Variants in SRC observed in about 807,000 individuals in gnomAD.
SRC encodes proto-oncogene tyrosine-protein kinase Src.
Under a neutral mutation model 62.9 loss-of-function variants are expected in SRC, and 13 were observed. The ratio of observed to expected loss-of-function variants is 0.21; its 90% CI spans 0.13 to 0.33. The LOEUF is 0.33. Among genes scored for constraint, SRC ranks in the 10% least tolerant of loss-of-function variants. SRC has a pLI of 1.00. For synonymous variants in SRC, 302 were observed against 317.5 expected, an observed-to-expected ratio of 0.95 and a Z score of 0.52; for missense variants, 457 against 737.3, an observed-to-expected ratio of 0.62 and a Z score of 4.40.
Position 37,404,286 on chromosome 20 carries a change from T to C in SRC, c.*907T>C, listed in dbSNP as rs2070790001. On this transcript the variant is annotated 3_prime_UTR_variant, in exon 14 of 14. Transcript: ENST00000373578. ...CTGTTGGGAACAGCATGGAGGCAGA[T>C]GTGGGGCTGAGCTGGGGAATCAGGG... is the stretch of plus-strand genomic sequence containing the variant. The C allele has an allele frequency of 4.3e-6, 1 of 233,182 alleles. No individual in the cohort carries two copies. Among genetic ancestry groups the C allele is most frequent in the South Asian group, 1.8e-4 (1 of 5,510 alleles). 14.4% of individuals were successfully genotyped at this position (233,182 alleles called of 1,614,324 possible). A position where few individuals can be genotyped will look rare whatever the true frequency, so the allele number is the denominator to read the frequency against.
chr20:37,356,429 GC>G (rs1377808019), intron 1 of SRC, among the ~76,000 whole-genome samples: 2 of 152,148 alleles, frequency 1.3e-5, no homozygotes, highest in Non-Finnish European at 2.9e-5. Context: ...CAGTGAGGTG[GC>G]CCTGGTGGCC....
intron 9 of SRC, 50 bp from the exon 10 acceptor site, chr20:37,400,065 G>A: frequency 7.2e-6 from 11 of 1,517,268 alleles, no homozygotes; most frequent in South Asian, 1.3e-5. Flanking sequence ...ATCCCTGTGT[G>A]GTAGGAGTTG....
At position 37,384,543 on chromosome 20, in the gene SRC, CG is replaced by C. The variant is rs1242378998; in HGVS notation, c.250+146del. ...AGCGCCCCTGGGTGACTTGGGTGTCCGGGGGGTGGGGGGGCGGCCGTACACA... is the reference window on the plus strand; with the variant it reads ...AGCGCCCCTGGGTGACTTGGGTGTCCGGGGGTGGGGGGGCGGCCGTACACA... On this transcript the variant is annotated intron_variant, in intron 4 of 13. Transcript: ENST00000373578. The surrounding 1 kb of genome is among the most constrained non-coding windows in gnomAD (Gnocchi z 6.7). 50 of 164,194 alleles carry C rather than the reference CG, an allele frequency of 3.0e-4. No individual in the cohort carries two copies. Among genetic ancestry groups the C allele is most frequent in the Non-Finnish European group, 3.6e-4 (38 of 106,318 alleles). The allele number at this position is 164,194 out of a possible 1,614,324, so 10.2% of individuals were successfully genotyped here.
rs1246570154 is a variant in SRC, at chr20:37,402,066, T to C, written c.1117-369T>C. The C allele has an allele frequency of 2.9e-5, 9 of 308,660 alleles. No individual in the cohort carries two copies. The highest frequency in any genetic ancestry group is 5.3e-5 in the Non-Finnish European group (9 of 168,532). The allele number at this position is 308,660 out of a possible 1,614,324, so 19.1% of individuals were successfully genotyped here. ...GACGAGGATTGGCTGTTATTCCCAT[T>C]GGACGGATGAGAAAACTGAGGCTCA... On this transcript the variant is annotated intron_variant, in intron 11 of 13. Transcript: ENST00000373578. This position sits in a 1 kb window ranked among gnomAD's most constrained non-coding sequence, Gnocchi z 6.2.
chr20:37,396,720 T>C lies in SRC; in HGVS notation c.703+409T>C, dbSNP rs575073571. 3 of 193,490 alleles carry C rather than the reference T, an allele frequency of 1.6e-5. No homozygotes were observed. The highest frequency in any genetic ancestry group is 1.1e-4 in the South Asian group (1 of 9,032). 12.0% of individuals were successfully genotyped at this position (193,490 alleles called of 1,614,324 possible). A position where few individuals can be genotyped will look rare whatever the true frequency, so the allele number is the denominator to read the frequency against. On this transcript the variant is annotated intron_variant, in intron 8 of 13. Coordinates refer to ENST00000373578, the MANE Select transcript of SRC (RefSeq NM_198291.3). This position sits in a 1 kb window ranked among gnomAD's most constrained non-coding sequence, Gnocchi z 6.1. The stretch of plus-strand genomic sequence containing the variant: ...GAGGAGGAGGGGGCGGCCAGATCGA[T>C]TGCAGCAAAGAGGGAAGAGAGCGGC...
At chr20:37,394,026 G>A (rs1161850102) in intron 6 of SRC, 33 bp downstream of exon 6, 8 of 1,602,876 alleles carry the variant, frequency 5.0e-6, no homozygotes, top group South Asian at 3.3e-5. Context: ...TCTACCCGTC[G>A]TCCCTGGACA....
At chr20:37,373,728 T>G (rs1312298414) in intron 2 of SRC, among the ~76,000 whole-genome samples, 1 of 152,262 alleles carries the variant, frequency 6.6e-6, no homozygotes, top group African/African-American at 2.4e-5. Context: ...TGGCAGATTG[T>G]TGGTCCTAGC....
In SRC at chr20:37,403,690, C is replaced by T. The variant is rs1353445364; in HGVS notation, c.*311C>T. 2.8e-5 allele frequency: 12 copies of T among 424,838 alleles called. 1 individual carries two copies. Among genetic ancestry groups the T allele is most frequent in the South Asian group, 1.2e-4 (3 of 25,834 alleles). 26.3% of individuals were successfully genotyped at this position (424,838 alleles called of 1,614,324 possible). A position where few individuals can be genotyped will look rare whatever the true frequency, so the allele number is the denominator to read the frequency against. On this transcript the variant is annotated 3_prime_UTR_variant, in exon 14 of 14. Coordinates refer to ENST00000373578, the MANE Select transcript of SRC (RefSeq NM_198291.3). The surrounding 1 kb of genome is among the most constrained non-coding windows in gnomAD (Gnocchi z 7.1). ...GAGGAACCAGGAGAAGGGCTGGGGC[C>T]GGGGCTGAGGGTGCCCTTTTCCAGC... is the stretch of plus-strand genomic sequence containing the variant.
At chr20:37,381,515 A>T (rs1399468663) in intron 2 of SRC, among the ~76,000 whole-genome samples, 1 of 152,174 alleles carries the variant, frequency 6.6e-6, no homozygotes, top group East Asian at 1.9e-4. Flanking sequence ...CTCCATAAAA[A>T]TTTTTTAAAA....
At chr20:37,393,399 C>T (rs757608066) in intron 5 of SRC, among the ~76,000 whole-genome samples, 3 of 152,236 alleles carry the variant, frequency 2.0e-5, no homozygotes, top group Non-Finnish European at 2.9e-5. Context: ...CAGGTCTCAC[C>T]AGCTCCCAGG....
chr20:37,372,963 A>G (rs2070190411), intron 2 of SRC, among the ~76,000 whole-genome samples: 2 of 152,076 alleles, frequency 1.3e-5, no homozygotes, highest in Non-Finnish European at 2.9e-5. Context: ...CATGTTTAGG[A>G]ATGCTTTCCC....
At chr20:37,386,322 C>G in intron 5 of SRC, 148 bp downstream of exon 5, 1 of 804,094 alleles carries the variant, frequency 1.2e-6, no homozygotes, top group Non-Finnish European at 2.2e-6. Flanking sequence ...CAGGCGCCTG[C>G]TGCACTCTCG....
In SRC at chr20:37,405,446, C is replaced by T. The variant is rs1568650399; in HGVS notation, c.*2067C>T. On this transcript the variant is annotated 3_prime_UTR_variant, in exon 14 of 14. Coordinates refer to ENST00000373578, the MANE Select transcript of SRC (RefSeq NM_198291.3). ...TGATCAACAGTTTATTGAACATCTA[C>T]TGTGTGCTGGAAAGCGAGATGGGGC... 5.2e-6 allele frequency: 1 copy of T among 193,408 alleles called. No homozygotes were observed. Among genetic ancestry groups the T allele is most frequent in the Non-Finnish European group, 1.1e-5 (1 of 92,794 alleles). 12.0% of individuals were successfully genotyped at this position (193,408 alleles called of 1,614,324 possible). A position where few individuals can be genotyped will look rare whatever the true frequency, so the allele number is the denominator to read the frequency against.
chr20:37,377,208 C>T (rs2070291627), intron 2 of SRC, among the ~76,000 whole-genome samples: 1 of 152,232 alleles, frequency 6.6e-6, no homozygotes. Context: ...CAGTAAACAA[C>T]ATTGTGTGCT....
intron 2 of SRC, among the ~76,000 whole-genome samples, chr20:37,367,268 T>TG (rs1485272940): frequency 4.0e-5 from 6 of 149,834 alleles, no homozygotes; most frequent in African/African-American, 1.5e-4. Context: ...TTTGTGGAGA[T>TG]GGGGTCTCAC....
intron 1 of SRC, among the ~76,000 whole-genome samples, chr20:37,349,590 T>C (rs2069771414): frequency 1.3e-5 from 2 of 152,210 alleles, no homozygotes; most frequent in Non-Finnish European, 2.9e-5. Context: ...CACCGGTAGG[T>C]ACTTGGCAAA....
intron 2 of SRC, among the ~76,000 whole-genome samples, chr20:37,367,124 G>A (rs1043061274): frequency 4.1e-5 from 6 of 148,020 alleles, no homozygotes; most frequent in African/African-American, 1.5e-4. Context: ...TTGAGACAGG[G>A]TCTCACTCTG....
chr20:37,387,388 C>A (rs1183018592), intron 5 of SRC, among the ~76,000 whole-genome samples: 1 of 152,142 alleles, frequency 6.6e-6, no homozygotes, highest in Non-Finnish European at 1.5e-5. Flanking sequence ...GCAGTCTAGC[C>A]AGGGCTGAAG....
intron 5 of SRC, 155 bp downstream of exon 5, chr20:37,386,329 C>T (rs2070454945): frequency 1.2e-5 from 9 of 777,428 alleles, no homozygotes; most frequent in South Asian, 1.1e-4. Context: ...CTGCTGCACT[C>T]TCGCCCTGGG....
Sources: gnomAD v4.1 joint callset for allele counts (sites outside exome capture counted in the v4.1 genomes callset) on GRCh38, gnomAD v4.1.1 for gene constraint, Gnocchi (gnomAD v3.1) non-coding constraint, MANE v1.5 for transcripts, NCBI Gene and HGNC (gene_info 2026-07-23, HGNC 2026-07-21) for gene names.